The following MID1 variants were observed in gnomAD, a reference collection of about 807,000 sequenced individuals.
MID1 encodes E3 ubiquitin-protein ligase Midline-1.
MID1 carries 7 observed loss-of-function variants against 40.4 expected under a neutral mutation model. That is an observed-to-expected ratio of 0.17 (90% CI 0.10 to 0.33). The LOEUF is 0.33. MID1 is among the 10% of genes least tolerant of loss of function. The pLI, the probability that MID1 is intolerant of heterozygous loss-of-function variation, is 1.00. For synonymous variants in MID1, 229 were observed against 221.2 expected, an observed-to-expected ratio of 1.04 and a Z score of -0.31; for missense variants, 367 against 558.5, an observed-to-expected ratio of 0.66 and a Z score of 3.46.
At chrX:10,782,791 A>G (rs2043855986) in intron 1 of MID1, among the ~76,000 whole-genome samples, 2 of 112,024 alleles carry the variant, frequency 1.8e-5, no homozygotes, top group Admixed American at 1.9e-4. Flanking sequence ...GTATATGATC[A>G]ATCAAAAATT....
At chrX:10,551,168 G>A (rs1277407273) in intron 2 of MID1, among the ~76,000 whole-genome samples, 1 of 112,085 alleles carries the variant, frequency 8.9e-6, no homozygotes, top group Non-Finnish European at 1.9e-5. Context: ...ACATTGTATT[G>A]TTTAGAGATT....
intron 3 of MID1, among the ~76,000 whole-genome samples, chrX:10,498,556 AC>A (rs1393322542): frequency 8.9e-6 from 1 of 112,411 alleles, no homozygotes; most frequent in Non-Finnish European, 1.9e-5. Flanking sequence ...TAAGCCTAGA[AC>A]ATTTTCAGTG....
At chrX:10,731,926 C>A (rs1181385254) in intron 1 of MID1, among the ~76,000 whole-genome samples, 13 of 94,352 alleles carry the variant, frequency 1.4e-4, no homozygotes, top group Middle Eastern at 6.4e-3. Context: ...TGCCACTGCA[C>A]TCTGCACTCT....
intron 9 of MID1, 41 bp downstream of exon 9, chrX:10,454,829 G>C: frequency 9.3e-7 from 1 of 1,079,365 alleles, no homozygotes; most frequent in Non-Finnish European, 1.3e-6. Context: ...AATGAGATGT[G>C]CCTTTTTATA....
At chrX:10,749,232 G>A (rs1312176052) in intron 1 of MID1, among the ~76,000 whole-genome samples, 1 of 110,298 alleles carries the variant, frequency 9.1e-6, no homozygotes, top group African/African-American at 3.3e-5. Context: ...GAAGAGTAAG[G>A]CACAAATGGG....
intron 1 of MID1, among the ~76,000 whole-genome samples, chrX:10,761,968 C>T (rs1004412345): frequency 2.7e-5 from 3 of 111,783 alleles, no homozygotes; most frequent in Non-Finnish European, 5.6e-5. Flanking sequence ...AATAGATTGG[C>T]TTTAACTACA....
At chrX:10,699,672 A>G (rs1419187471) in intron 1 of MID1, among the ~76,000 whole-genome samples, 3 of 111,902 alleles carry the variant, frequency 2.7e-5, no homozygotes, top group African/African-American at 9.8e-5. Flanking sequence ...GTGAGGCAAA[A>G]TAAATTTCTG....
chrX:10,590,976 G>A (rs768828629), intron 1 of MID1, among the ~76,000 whole-genome samples: 3 of 111,482 alleles, frequency 2.7e-5, no homozygotes, highest in African/African-American at 9.8e-5. Flanking sequence ...CATTTTAAGT[G>A]TGAGTTTCAT....
intron 1 of MID1, among the ~76,000 whole-genome samples, chrX:10,574,447 T>G (rs1018820313): frequency 4.5e-5 from 5 of 112,184 alleles, no homozygotes; most frequent in Non-Finnish European, 9.4e-5. Context: ...TCTAGAAATG[T>G]AAGATAATGA....
At position 10,566,502 on chromosome X, in the gene MID1, T is replaced by TCTCTCTCTCC. The variant is rs753715524; in HGVS notation, c.660+376_660+385dup. On this transcript the variant is annotated intron_variant, in intron 2 of 9. Coordinates refer to ENST00000317552, the MANE Select transcript of MID1 (RefSeq NM_000381.4). ...AAGCCAGATTTTATCTGTCATTCTCTCTCTCTCTCCCTCTCTCTCCCTCTC... is the reference window on the plus strand; with the variant it reads ...AAGCCAGATTTTATCTGTCATTCTCTCTCTCTCTCCCTCTCTCTCCCTCTCTCTCCCTCTC... Among the ~76,000 whole-genome samples, 512 of 90,045 alleles carry TCTCTCTCTCC rather than the reference T, an allele frequency of 5.7e-3. 1 individual carries two copies. Among genetic ancestry groups the TCTCTCTCTCC allele is most frequent in the Non-Finnish European group, 8.7e-3 (411 of 47,279 alleles). 78.2% of individuals were successfully genotyped at this position (90,045 alleles called of 115,157 possible). A position where few individuals can be genotyped will look rare whatever the true frequency, so the allele number is the denominator to read the frequency against.
chrX:10,613,620 A>G (rs1485102579), intron 1 of MID1, among the ~76,000 whole-genome samples: 1 of 100,667 alleles, frequency 9.9e-6, no homozygotes, highest in Non-Finnish European at 2.0e-5. Context: ...ATTTCTGCAG[A>G]ACAATCAAAC....
chrX:10,517,227 G>T (rs1932495688), intron 3 of MID1, among the ~76,000 whole-genome samples: 2 of 111,269 alleles, frequency 1.8e-5, no homozygotes, highest in South Asian at 7.7e-4. Context: ...GCTGGCATGG[G>T]AATTATTTTC....
chrX:10,579,870 A>G (rs1934964688), intron 1 of MID1, among the ~76,000 whole-genome samples: 1 of 109,390 alleles, frequency 9.1e-6, no homozygotes, highest in East Asian at 2.8e-4. Context: ...GCACCACATG[A>G]AAGAAGAGGA....
In MID1 at chrX:10,486,096, T is replaced by C. The variant is rs760580862; in HGVS notation, c.865-3468A>G. Among the ~76,000 whole-genome samples the C allele has an allele frequency of 7.2e-5, 8 of 111,761 alleles. No homozygotes were observed. The East Asian group carries it at 2.2e-3, about 31-fold the overall frequency. ...AGCCTCATGGCTTAAGACTCTCCAGTCCGCCCACCTATAAAGGCTGTCGAG... is the reference window on the plus strand; with the variant it reads ...AGCCTCATGGCTTAAGACTCTCCAGCCCGCCCACCTATAAAGGCTGTCGAG... On this transcript the variant is annotated intron_variant, in intron 4 of 9. Coordinates refer to ENST00000317552, the MANE Select transcript of MID1 (RefSeq NM_000381.4).
chrX:10,799,736 C>T (rs1356650297), intron 1 of MID1, among the ~76,000 whole-genome samples: 1 of 112,104 alleles, frequency 8.9e-6, no homozygotes, highest in African/African-American at 3.2e-5. Flanking sequence ...CTCACACCCA[C>T]TATGTGGGAG....
intron 1 of MID1, among the ~76,000 whole-genome samples, chrX:10,592,154 T>C (rs972796923): frequency 3.7e-5 from 4 of 106,935 alleles, no homozygotes; most frequent in African/African-American, 1.4e-4. Context: ...GTGGTGTGTG[T>C]GTGTGTGTGT....
intron 4 of MID1, among the ~76,000 whole-genome samples, chrX:10,493,513 G>T (rs1240395747): frequency 2.7e-5 from 3 of 111,948 alleles, no homozygotes; most frequent in Non-Finnish European, 5.6e-5. Context: ...GCAGCAATAA[G>T]AAACTAGTAA....
chrX:10,775,283 A>G (rs2043795152), intron 1 of MID1, among the ~76,000 whole-genome samples: 1 of 111,384 alleles, frequency 9.0e-6, no homozygotes, highest in Non-Finnish European at 1.9e-5. Context: ...GCAAATGTCT[A>G]TAGTTAACTG....
intron 1 of MID1, among the ~76,000 whole-genome samples, chrX:10,801,252 A>G (rs1438118596): frequency 2.7e-5 from 3 of 112,038 alleles, no homozygotes; most frequent in African/African-American, 9.7e-5. Context: ...TTACGGATTG[A>G]CCTTTGTGTT....
Sources: allele counts gnomAD v4.1 joint callset (sites outside exome capture counted in the v4.1 genomes callset), GRCh38; gene constraint gnomAD v4.1.1; transcripts MANE v1.5; gene names NCBI Gene and HGNC (gene_info 2026-07-23, HGNC 2026-07-21).